Variants in SSBP3 observed in about 807,000 individuals in gnomAD.
The protein encoded by SSBP3 is single-stranded DNA-binding protein 3.
In SSBP3, 5 loss-of-function variants were observed where a neutral mutation model predicts 69.6. The ratio of observed to expected loss-of-function variants is 0.07; its 90% confidence interval spans 0.04 to 0.15. The LOEUF (loss-of-function observed/expected upper bound fraction) is 0.15, where lower values mean the gene tolerates loss of function less well. Among genes scored for constraint, SSBP3 ranks in the 10% least tolerant of loss-of-function variants. The pLI, the probability that SSBP3 is intolerant of heterozygous loss-of-function variation, is 1.00. For missense variants in SSBP3, 312 were observed against 534.0 expected (o/e 0.58, Z 4.10); for synonymous variants, 196 against 193.4 (o/e 1.01, Z -0.11).
intron 3 of SSBP3, 63 bp downstream of exon 3, chr1:54,404,513 T>C (rs934978261): frequency 7.5e-6 from 12 of 1,591,030 alleles, no homozygotes; most frequent in African/African-American, 1.3e-5. Context: ...CCCTTCTTTG[T>C]TCACTTGGAC....
chr1:54,300,422 G>A lies in SSBP3; in HGVS notation c.277-18895C>T, dbSNP rs557982230. 2.6e-5 allele frequency among the ~76,000 whole-genome samples: 4 copies of A among 152,268 alleles called. No individual in the cohort carries two copies. The East Asian group carries it at 5.8e-4, about 22-fold the overall frequency. On this transcript the variant is annotated intron_variant, in intron 4 of 17. Coordinates refer to ENST00000610401, the Ensembl canonical transcript of SSBP3. ...TCAGGGGCCCAGAGCAGGTGCTCGG[G>A]GAGGATGTGCAGAACGACCAAGAAT...
intron 4 of SSBP3, among the ~76,000 whole-genome samples, chr1:54,385,421 A>G (rs891239892): frequency 7.9e-5 from 12 of 152,142 alleles, no homozygotes; most frequent in Non-Finnish European, 1.8e-4. Context: ...TCAGTGGGGA[A>G]GCTTTTAAAA....
At chr1:54,299,271 C>T (rs538988831) in intron 4 of SSBP3, among the ~76,000 whole-genome samples, 60 of 152,256 alleles carry the variant, frequency 3.9e-4, no homozygotes, top group Non-Finnish European at 7.2e-4. Flanking sequence ...GCTCCACTTG[C>T]CAAGAATGGA....
chr1:54,247,137 G>A lies in SSBP3; in HGVS notation c.652-3838C>T, dbSNP rs372303323. On this transcript the variant is annotated intron_variant, in intron 9 of 17. Transcript: ENST00000610401. ...CACAGTGAGAAGGGACCGAGCAGCT[G>A]TCTGGGGCTGCAGCCTGGAGGCGGT... is the stretch of plus-strand genomic sequence containing the variant. 2.5e-4 allele frequency among the ~76,000 whole-genome samples: 38 copies of A among 152,374 alleles called. No homozygotes were observed. In the South Asian group the frequency reaches 5.8e-3, roughly 23 times the overall value.
intron 4 of SSBP3, among the ~76,000 whole-genome samples, chr1:54,399,715 G>A (rs1570058159): frequency 6.6e-6 from 1 of 152,314 alleles, no homozygotes; most frequent in East Asian, 1.9e-4. Flanking sequence ...AGGAATGAAG[G>A]TTAACTAGAC....
chr1:54,405,960 G>A, exon 1 of SSBP3: 3 of 1,427,956 alleles, frequency 2.1e-6, no homozygotes, highest in Non-Finnish European at 2.8e-6. Context: ...TACTTTTCCC[G>A]AGCCTGCCCA....
intron 4 of SSBP3, among the ~76,000 whole-genome samples, chr1:54,291,659 A>G (rs1455106936): frequency 6.6e-6 from 1 of 152,226 alleles, no homozygotes; most frequent in Non-Finnish European, 1.5e-5. Context: ...GTCAGCCATT[A>G]AACGATTCAT....
chr1:54,272,895 T>G (rs1190262032), intron 5 of SSBP3, among the ~76,000 whole-genome samples: 1 of 152,176 alleles, frequency 6.6e-6, no homozygotes, highest in African/African-American at 2.4e-5. Context: ...GGGAGTCAGT[T>G]TACACCCCCA....
Position 54,239,502 on chromosome 1 carries a change from G to A in SSBP3, c.857-303C>T, listed in dbSNP as rs1377628859. 2.0e-5 allele frequency among the ~76,000 whole-genome samples: 3 copies of A among 152,086 alleles called. No homozygotes were observed. The South Asian group carries it at 6.2e-4, about 32-fold the overall frequency. On this transcript the variant is annotated intron_variant, in intron 13 of 17. Coordinates refer to ENST00000610401, the Ensembl canonical transcript of SSBP3. ...CCAGACACTGCCTGGGACAACATGGGGGCAGCAGAACCACCACCTGTGCTC... is the reference window on the plus strand; with the variant it reads ...CCAGACACTGCCTGGGACAACATGGAGGCAGCAGAACCACCACCTGTGCTC...
chr1:54,369,853 T>TC (rs145576091), intron 4 of SSBP3, among the ~76,000 whole-genome samples: 13,978 of 150,764 alleles, frequency 0.093, 946 homozygotes, highest in East Asian at 0.27. Flanking sequence ...CTCGACGGTA[T>TC]CCTGGGCACA....
At chr1:54,315,630 C>T (rs1018777009) in intron 4 of SSBP3, among the ~76,000 whole-genome samples, 4 of 151,374 alleles carry the variant, frequency 2.6e-5, no homozygotes, top group African/African-American at 9.7e-5. Flanking sequence ...CTTGCTCTAT[C>T]GCCCAGGCTG....
At chr1:54,284,555 A>C (rs1041327399) in intron 4 of SSBP3, among the ~76,000 whole-genome samples, 3 of 151,612 alleles carry the variant, frequency 2.0e-5, no homozygotes, top group African/African-American at 7.3e-5. Context: ...ATGGCCCCAA[A>C]CTCCTAGGCT....
chr1:54,307,634 G>A (rs955658424), intron 4 of SSBP3, among the ~76,000 whole-genome samples: 1 of 152,162 alleles, frequency 6.6e-6, no homozygotes. Context: ...TGAGACAGGA[G>A]GTCAGCACAA....
intron 4 of SSBP3, among the ~76,000 whole-genome samples, chr1:54,306,896 T>G (rs1183118226): frequency 6.6e-6 from 1 of 152,182 alleles, no homozygotes; most frequent in Non-Finnish European, 1.5e-5. Flanking sequence ...AGAGGTGGCA[T>G]GCGCCTAACA....
chr1:54,257,096 A>C lies in SSBP3; in HGVS notation c.507+31T>G, dbSNP rs763126748. 2.6e-5 allele frequency: 42 copies of C among 1,589,720 alleles called. No homozygotes were observed. The East Asian group carries it at 9.4e-4, about 36-fold the overall frequency. On this transcript the variant is annotated intron_variant, in intron 7 of 17. Transcript: ENST00000610401. Reference sequence around the variant, plus strand: ...ACCTAGGGCCAAGGATGGCTGAGGGAGGGGAGAGAGAACATGAAAAGGTAC... The same window carrying C: ...ACCTAGGGCCAAGGATGGCTGAGGGCGGGGAGAGAGAACATGAAAAGGTAC...
intron 4 of SSBP3, among the ~76,000 whole-genome samples, chr1:54,346,879 C>T (rs903954808): frequency 9.2e-5 from 14 of 152,128 alleles, no homozygotes; most frequent in African/African-American, 3.1e-4. Context: ...TGGGTCCAGG[C>T]CCTTACTCCC....
chr1:54,351,381 G>A (rs17110456), intron 4 of SSBP3, among the ~76,000 whole-genome samples: 3,741 of 152,250 alleles, frequency 0.025, 173 homozygotes, highest in African/African-American at 0.086. Context: ...TTACCGGAAG[G>A]ATGAAATTAG....
At chr1:54,289,128 T>A (rs1380967449) in intron 4 of SSBP3, among the ~76,000 whole-genome samples, 1 of 146,772 alleles carries the variant, frequency 6.8e-6, no homozygotes, top group African/African-American at 2.5e-5. Context: ...TGAAAAGAAA[T>A]AGCCGGCACT....
intron 4 of SSBP3, among the ~76,000 whole-genome samples, chr1:54,331,998 G>C (rs952327845): frequency 8.5e-5 from 13 of 152,332 alleles, no homozygotes; most frequent in African/African-American, 3.1e-4. Flanking sequence ...CCTGTGCAGG[G>C]CTGCAAGGTC....
Sources: gnomAD v4.1 joint callset for allele counts (sites outside exome capture counted in the v4.1 genomes callset) on GRCh38, gnomAD v4.1.1 for gene constraint, MANE v1.5 for transcripts, NCBI Gene and HGNC (gene_info 2026-07-23, HGNC 2026-07-21) for gene names.